CDC42BPA: variants seen among roughly 807,000 people sequenced by gnomAD.
CDC42BPA encodes serine/threonine-protein kinase MRCK alpha.
In CDC42BPA, 80 loss-of-function variants were observed where a neutral mutation model predicts 223.5. The ratio of observed to expected loss-of-function variants is 0.36; its 90% CI spans 0.30 to 0.43. CDC42BPA has a LOEUF of 0.43. CDC42BPA is among the 20% of genes least tolerant of loss of function. The pLI is 1.00. For synonymous variants in CDC42BPA, 694 were observed against 718.6 expected (o/e 0.97, Z 0.55); for missense variants, 1,743 against 2,099.9 (o/e 0.83, Z 3.32).
chr1:227,130,859 AAAAC>A (rs1394099038), intron 10 of CDC42BPA, among the ~76,000 whole-genome samples: 3 of 152,044 alleles, frequency 2.0e-5, no homozygotes, highest in Non-Finnish European at 2.9e-5. Flanking sequence ...GTCTCAAAAA[AAAAC>A]AAACAAACAA....
intron 12 of CDC42BPA, among the ~76,000 whole-genome samples, chr1:227,115,783 T>G (rs1687682578): frequency 6.6e-6 from 1 of 151,518 alleles, no homozygotes; most frequent in Non-Finnish European, 1.5e-5. Flanking sequence ...TACTTATAAA[T>G]AACTCATTGG....
At chr1:227,210,360 A>G (rs781458500) in intron 3 of CDC42BPA, among the ~76,000 whole-genome samples, 7 of 152,086 alleles carry the variant, frequency 4.6e-5, no homozygotes, top group Non-Finnish European at 8.8e-5. Context: ...CTTATACCGT[A>G]AGGTCCTGAG....
chr1:227,096,180 C>T (rs1440800170), intron 15 of CDC42BPA, among the ~76,000 whole-genome samples: 1 of 152,172 alleles, frequency 6.6e-6, no homozygotes, highest in Non-Finnish European at 1.5e-5. Context: ...TGTCACTTCA[C>T]TACTATCTAT....
At chr1:227,044,545 A>T (rs1237435252) in intron 23 of CDC42BPA, among the ~76,000 whole-genome samples, 1 of 152,096 alleles carries the variant, frequency 6.6e-6, no homozygotes, top group Non-Finnish European at 1.5e-5. Flanking sequence ...ATTTCATTTA[A>T]CTCTCCTTTT....
chr1:227,105,891 C>G (rs1177765926), intron 14 of CDC42BPA, among the ~76,000 whole-genome samples: 1 of 152,104 alleles, frequency 6.6e-6, no homozygotes, highest in Non-Finnish European at 1.5e-5. Flanking sequence ...TGCAATAATA[C>G]TTCAATAAAC....
chr1:227,008,675 C>T (rs1263751655), intron 34 of CDC42BPA, among the ~76,000 whole-genome samples: 1 of 152,170 alleles, frequency 6.6e-6, no homozygotes, highest in South Asian at 2.1e-4. Context: ...AGCCAGCACT[C>T]AGGAAAACAT....
Position 227,292,726 on chromosome 1 carries a change from A to C in CDC42BPA, c.178+24279T>G, listed in dbSNP as rs1689899711. ...TTTAATTGAATTATTATTATGAGGA[A>C]TATGTCTTACTCACCTACCTTCCAC... On this transcript the variant is annotated intron_variant, in intron 1 of 36. Coordinates refer to ENST00000366766, the MANE Select transcript of CDC42BPA (RefSeq NM_001394014.1). Among the ~76,000 whole-genome samples, 4 of 152,176 alleles carry C rather than the reference A, an allele frequency of 2.6e-5. No homozygotes were observed. In the South Asian group the frequency reaches 8.3e-4, roughly 32 times the overall value.
At chr1:227,284,255 GATTTA>G (rs994366266) in intron 1 of CDC42BPA, among the ~76,000 whole-genome samples, 5 of 152,150 alleles carry the variant, frequency 3.3e-5, no homozygotes, top group South Asian at 2.1e-4. Flanking sequence ...AAAAAGTAAT[GATTTA>G]ATTTTTTATA....
At chr1:227,202,567 T>C (rs1367467304) in intron 3 of CDC42BPA, among the ~76,000 whole-genome samples, 1 of 152,138 alleles carries the variant, frequency 6.6e-6, no homozygotes, top group Non-Finnish European at 1.5e-5. Context: ...CAACAGAACA[T>C]ATTAAACTTT....
rs900449471 is a variant in CDC42BPA, at chr1:227,053,020, T to C, written c.2905-1035A>G. On this transcript the variant is annotated intron_variant, in intron 21 of 36. Coordinates refer to ENST00000366766, the MANE Select transcript of CDC42BPA (RefSeq NM_001394014.1). ...GATAAATAATTGAGAGTAGAAACACTTGGAAAAGAAGGTTCCCCTAGAAAT... is the reference window on the plus strand; with the variant it reads ...GATAAATAATTGAGAGTAGAAACACCTGGAAAAGAAGGTTCCCCTAGAAAT... Among the ~76,000 whole-genome samples the C allele has an allele frequency of 5.9e-5, 9 of 152,302 alleles. No homozygotes were observed. The South Asian group carries it at 1.0e-3, about 18-fold the overall frequency.
chr1:227,224,657 T>C (rs1676533649), intron 2 of CDC42BPA, among the ~76,000 whole-genome samples: 1 of 152,220 alleles, frequency 6.6e-6, no homozygotes, highest in Non-Finnish European at 1.5e-5. Context: ...CTTTTAATCC[T>C]AATATGTTAT....
At chr1:227,307,441 T>G (rs1025128458) in intron 1 of CDC42BPA, among the ~76,000 whole-genome samples, 7 of 152,186 alleles carry the variant, frequency 4.6e-5, no homozygotes, top group African/African-American at 1.7e-4. Flanking sequence ...TATACCAGCA[T>G]TTCCCAAACT....
intron 1 of CDC42BPA, among the ~76,000 whole-genome samples, chr1:227,281,839 T>C (rs954582385): frequency 9.2e-5 from 14 of 152,278 alleles, no homozygotes; most frequent in Non-Finnish European, 2.9e-5. Context: ...GGGGAAAACC[T>C]ACCTGGCTCT....
At chr1:227,258,159 G>A (rs1176640053) in intron 1 of CDC42BPA, among the ~76,000 whole-genome samples, 1 of 138,786 alleles carries the variant, frequency 7.2e-6, no homozygotes, top group Non-Finnish European at 1.5e-5. Context: ...TGGGCAACAG[G>A]GTGAAACCCT....
At chr1:227,132,940 G>A (rs1388340450) in intron 10 of CDC42BPA, among the ~76,000 whole-genome samples, 2 of 147,116 alleles carry the variant, frequency 1.4e-5, no homozygotes, top group African/African-American at 2.5e-5. Context: ...CCCGGCAGCC[G>A]CCCTGTCTGA....
chr1:227,191,124 A>AC (rs1487198633), intron 5 of CDC42BPA, among the ~76,000 whole-genome samples: 1 of 152,058 alleles, frequency 6.6e-6, no homozygotes, highest in African/African-American at 2.4e-5. Flanking sequence ...CGGGAAGATC[A>AC]CCTGAGGTAG....
intron 35 of CDC42BPA, among the ~76,000 whole-genome samples, chr1:226,997,397 C>T (rs923102902): frequency 1.3e-4 from 20 of 152,086 alleles, no homozygotes; most frequent in African/African-American, 2.9e-4. Flanking sequence ...TTTCAAAAAA[C>T]CAGCTCCTGG....
intron 34 of CDC42BPA, among the ~76,000 whole-genome samples, chr1:227,011,451 C>T (rs1239157223): frequency 6.6e-6 from 1 of 152,054 alleles, no homozygotes; most frequent in Non-Finnish European, 1.5e-5. Flanking sequence ...AACAAGTGAA[C>T]CTACAACAGC....
chr1:227,243,475 G>C (rs1214383968), intron 2 of CDC42BPA, among the ~76,000 whole-genome samples: 1 of 152,050 alleles, frequency 6.6e-6, no homozygotes. Flanking sequence ...AAAGAATAAA[G>C]TGAACTTTGA....
Sources: allele counts gnomAD v4.1 joint callset (sites outside exome capture counted in the v4.1 genomes callset), GRCh38; gene constraint gnomAD v4.1.1; transcripts MANE v1.5; gene names NCBI Gene and HGNC (gene_info 2026-07-23, HGNC 2026-07-21).